SMARCAD1: variants seen among roughly 807,000 people sequenced by gnomAD.
The protein encoded by SMARCAD1 is SWI/SNF-related matrix-associated actin-dependent regulator of chromatin subfamily A containing DEAD/H box 1.
In SMARCAD1, 25 loss-of-function variants were observed where a neutral mutation model predicts 127.1. The ratio of observed to expected loss-of-function variants is 0.20; its 90% CI spans 0.14 to 0.27. SMARCAD1 has a LOEUF of 0.27. Among genes scored for constraint, SMARCAD1 ranks in the 10% least tolerant of loss-of-function variants. The probability of loss-of-function intolerance (pLI) is 1.00; values close to 1 mark genes in which losing one functional copy is unlikely to be tolerated. For synonymous variants in SMARCAD1, 400 were observed against 396.9 expected (o/e 1.01, Z -0.09); for missense variants, 807 against 1,206.0 (o/e 0.67, Z 4.90).
intron 20 of SMARCAD1, among the ~76,000 whole-genome samples, chr4:94,281,190 G>A (rs1395566048): frequency 1.3e-5 from 2 of 152,218 alleles, no homozygotes; most frequent in East Asian, 1.9e-4. Context: ...CACATTTTCC[G>A]ACGTTTTTCT....
intron 4 of SMARCAD1, 93 bp downstream of exon 4, chr4:94,234,215 A>C (rs1331560873): frequency 2.4e-5 from 28 of 1,147,686 alleles, no homozygotes; most frequent in Non-Finnish European, 3.5e-5. Context: ...TTTTCTAAAG[A>C]TATCTTACGT....
At chr4:94,233,234 T>TA (rs753179056) in intron 3 of SMARCAD1, among the ~76,000 whole-genome samples, 10 of 152,214 alleles carry the variant, frequency 6.6e-5, no homozygotes, top group Admixed American at 2.0e-4. Flanking sequence ...CTCTATAACT[T>TA]ACATTCATTT....
At chr4:94,288,415 A>G (rs1304942701) in intron 23 of SMARCAD1, among the ~76,000 whole-genome samples, 3 of 152,008 alleles carry the variant, frequency 2.0e-5, no homozygotes, top group Non-Finnish European at 4.4e-5. Context: ...CTAACATAGT[A>G]TCAGTTTATA....
rs745941235 is a variant in SMARCAD1 at position 94,252,744 on chromosome 4, T to C, written c.1018T>C (p.Phe340Leu). 2 of 1,606,414 alleles carry C rather than the reference T, an allele frequency of 1.2e-6. No homozygotes were observed. Among genetic ancestry groups the C allele is most frequent in the Non-Finnish European group, 1.7e-6 (2 of 1,177,196 alleles). The change falls in exon 9 of 24, where the codon TTT (phenylalanine) becomes CTT (leucine). Residue 340 changes from phenylalanine to leucine, a missense_variant. Around this residue, in one of 8 missense-constraint regions of SMARCAD1, gnomAD observed 257 missense variants for 303.4 expected, o/e 0.85. Coordinates refer to ENST00000354268, the MANE Select transcript of SMARCAD1 (RefSeq NM_020159.5). ...QKFSMKAQNGFNKKRKKNVFN... is the reference protein window; with the variant it reads ...QKFSMKAQNGLNKKRKKNVFN... ...ATTTTCAATGAAAGCACAAAATGGC[T>C]TTAACAAGAAACGTAAAAAAAATGT... is the stretch of plus-strand genomic sequence containing the variant.
chr4:94,212,945 T>C, intron 2 of SMARCAD1: 1 of 602,604 alleles, frequency 1.7e-6, no homozygotes, highest in South Asian at 1.5e-5. Flanking sequence ...TGCCCCCTGA[T>C]TTATTTTACT....
intron 10 of SMARCAD1, 180 bp from the exon 11 acceptor site, chr4:94,270,548 G>C: frequency 1.8e-6 from 1 of 555,760 alleles, no homozygotes; most frequent in Non-Finnish European, 3.3e-6. Flanking sequence ...TAAAGTTTGA[G>C]AAGATCTGAA....
chr4:94,250,686 C>G, intron 7 of SMARCAD1, 66 bp from the exon 8 acceptor site: 4 of 1,054,932 alleles, frequency 3.8e-6, no homozygotes, highest in Non-Finnish European at 5.7e-6. Context: ...TTTAAAAGAG[C>G]ATAGACGTTT....
chr4:94,280,683 A>T lies in SMARCAD1; in HGVS notation c.2510A>T (p.Tyr837Phe). 6.2e-7 allele frequency: 1 copy of T among 1,613,800 alleles called. No individual in the cohort carries two copies. Among genetic ancestry groups the T allele is most frequent in the Middle Eastern group, 1.7e-4 (1 of 6,056 alleles). Residue 837 changes from tyrosine (Y) to phenylalanine (F), a missense_variant, in exon 20 of 24, where the codon TAC becomes TTC. Around this residue, in one of 8 missense-constraint regions of SMARCAD1, gnomAD observed 99 missense variants for 126.0 expected, o/e 0.79. Transcript: ENST00000354268. ...GAACTACATGTACTTTGTAAACAGT[A>T]CCGACACATTAATAACTTTCAGTTA... ...DFELHVLCKQ[Y>F]RHINNFQLDM...
At chr4:94,231,842 GAA>G (rs941732644) in intron 3 of SMARCAD1, among the ~76,000 whole-genome samples, 36 of 151,566 alleles carry the variant, frequency 2.4e-4, no homozygotes, top group Middle Eastern at 3.4e-3. Flanking sequence ...TCTTTTCTCA[GAA>G]AAAACAGATT....
Position 94,252,749 on chromosome 4 carries a change from C to T in SMARCAD1, c.1023C>T (p.Asn341=), listed in dbSNP as rs756229280. 1.2e-6 allele frequency: 2 copies of T among 1,607,706 alleles called. No homozygotes were observed. Among genetic ancestry groups the T allele is most frequent in the South Asian group, 1.1e-5 (1 of 88,854 alleles). The change falls in exon 9 of 24, where the codon AAC becomes AAT. Residue 341 remains asparagine (N), a synonymous_variant. Transcript: ENST00000354268. ...CAATGAAAGCACAAAATGGCTTTAA[C>T]AAGAAACGTAAAAAAAATGTTTTTA... is the stretch of plus-strand genomic sequence containing the variant. ...KFSMKAQNGF[N]KKRKKNVFNP... is the part of the protein sequence containing the mutation.
At chr4:94,235,813 G>A (rs1406994059) in intron 4 of SMARCAD1, among the ~76,000 whole-genome samples, 1 of 151,948 alleles carries the variant, frequency 6.6e-6, no homozygotes, top group Non-Finnish European at 1.5e-5. Flanking sequence ...AATTTTTAAT[G>A]TAGTTCAGAG....
intron 1 of SMARCAD1, 26 bp from the exon 2 acceptor site, chr4:94,208,320 T>G (rs754795964): frequency 4.7e-6 from 7 of 1,500,488 alleles, no homozygotes; most frequent in African/African-American, 2.8e-5. Context: ...ATGGCCTTTT[T>G]TCCTCTCTTT....
At chr4:94,268,311 G>GT (rs1560554994) in intron 10 of SMARCAD1, among the ~76,000 whole-genome samples, 3 of 152,058 alleles carry the variant, frequency 2.0e-5, no homozygotes, top group African/African-American at 7.2e-5. Context: ...TATTTTGACA[G>GT]TTAAATAGAC....
At chr4:94,270,858 T>C (rs1752447629) in intron 11 of SMARCAD1, 40 bp downstream of exon 11, 2 of 1,569,972 alleles carry the variant, frequency 1.3e-6, no homozygotes, top group African/African-American at 2.7e-5. Context: ...GTTGAAAGTG[T>C]CATTAAAAGG....
At position 94,276,403 on chromosome 4, in the gene SMARCAD1, G is replaced by T. The variant is rs768385881; in HGVS notation, c.1873G>T (p.Ala625Ser). The change falls in exon 15 of 24, where the codon GCA becomes TCA. Residue 625 changes from alanine (A) to serine (S), a missense_variant. Around this residue, in one of 8 missense-constraint regions of SMARCAD1, gnomAD observed 148 missense variants for 313.2 expected, o/e 0.47. Transcript: ENST00000354268. ...SLFRRLKLNY[A>S]IFDEGHMLKN... Reference sequence around the variant, plus strand: ...GTTTCGACGGCTGAAACTTAATTACGCAATTTTTGATGAGGGCCATATGCT... The same window carrying T: ...GTTTCGACGGCTGAAACTTAATTACTCAATTTTTGATGAGGGCCATATGCT... 2 of 1,614,020 alleles carry T rather than the reference G, an allele frequency of 1.2e-6. No individual in the cohort carries two copies. Among genetic ancestry groups the T allele is most frequent in the Non-Finnish European group, 1.7e-6 (2 of 1,179,982 alleles).
intron 22 of SMARCAD1, among the ~76,000 whole-genome samples, chr4:94,284,252 G>A (rs1164065524): frequency 4.0e-5 from 6 of 149,158 alleles, no homozygotes; most frequent in Admixed American, 6.7e-5. Flanking sequence ...ACGTGAAGCC[G>A]GGAGGCGGAG....
In SMARCAD1 at chr4:94,290,056, T is replaced by C. The variant is rs1755489525; in HGVS notation, c.*522T>C. 1 of 454,528 alleles carries C rather than the reference T, an allele frequency of 2.2e-6. No homozygotes were observed. The allele number at this position is 454,528 out of a possible 1,614,324, so 28.2% of individuals were successfully genotyped here. ...GCTATTTGAAGCAGATGTTCACCAA[T>C]GTCAGCAAGAACTCAACCTGAATTT... On this transcript the variant is annotated 3_prime_UTR_variant, in exon 24 of 24. Coordinates refer to ENST00000354268, the MANE Select transcript of SMARCAD1 (RefSeq NM_020159.5).
intron 4 of SMARCAD1, 142 bp from the exon 5 acceptor site, chr4:94,236,810 A>T: frequency 1.4e-6 from 1 of 698,720 alleles, no homozygotes; most frequent in Non-Finnish European, 2.5e-6. Flanking sequence ...AAAATTTATC[A>T]TAGGACTTAA....
At chr4:94,285,928 C>G (rs1278752650) in intron 23 of SMARCAD1, among the ~76,000 whole-genome samples, 1 of 152,164 alleles carries the variant, frequency 6.6e-6, no homozygotes, top group Non-Finnish European at 1.5e-5. Context: ...AAGGCAGATT[C>G]TCTTTGGGCA....
Sources: allele counts gnomAD v4.1 joint callset (sites outside exome capture counted in the v4.1 genomes callset), GRCh38; gene constraint gnomAD v4.1.1; regional missense constraint gnomAD v4.1.1; transcripts MANE v1.5; gene names NCBI Gene and HGNC (gene_info 2026-07-23, HGNC 2026-07-21).